Variants in GULP1 observed in about 807,000 individuals in gnomAD.
The protein encoded by GULP1 is PTB domain-containing engulfment adapter protein 1.
GULP1 carries 19 observed loss-of-function variants against 40.9 expected under a neutral mutation model. That is an observed-to-expected ratio of 0.46 (90% CI 0.32 to 0.68). The LOEUF is 0.68. Ranked by LOEUF, GULP1 falls within the 30% of genes least tolerant of loss-of-function variation. The pLI, the probability that GULP1 is intolerant of heterozygous loss-of-function variation, is 0.03. For synonymous variants in GULP1, 119 were observed against 117.6 expected, an observed-to-expected ratio of 1.01 and a Z score of -0.08; for missense variants, 312 against 362.2, an observed-to-expected ratio of 0.86 and a Z score of 1.12.
Position 188,364,222 on chromosome 2 carries a change from C to T in GULP1, c.-171-19541C>T, listed in dbSNP as rs748931062. Among the ~76,000 whole-genome samples, 3 of 152,008 alleles carry T rather than the reference C, an allele frequency of 2.0e-5. No individual in the cohort carries two copies. In the South Asian group the frequency reaches 6.2e-4, roughly 31 times the overall value. On this transcript the variant is annotated intron_variant, in intron 1 of 11. Transcript: ENST00000409830. The stretch of plus-strand genomic sequence containing the variant: ...GTGCCTGCAAATCCCTGGGAAATCC[C>T]GTTTGGCTTTCCATGTGGGTGTTTG...
chr2:188,337,842 ATTGT>A (rs757405177), intron 1 of GULP1, among the ~76,000 whole-genome samples: 4 of 152,186 alleles, frequency 2.6e-5, no homozygotes, highest in Non-Finnish European at 4.4e-5. Context: ...GTCCATTTAC[ATTGT>A]TTGTGAGTAA....
rs144716885 is a variant in GULP1 at position 188,445,880 on chromosome 2, C to T, written c.-44-31779C>T. Among the ~76,000 whole-genome samples, 5 of 152,308 alleles carry T rather than the reference C, an allele frequency of 3.3e-5. No homozygotes were observed. The East Asian group carries it at 9.6e-4, about 29-fold the overall frequency. On this transcript the variant is annotated intron_variant, in intron 2 of 11. Coordinates refer to ENST00000409830, the MANE Select transcript of GULP1 (RefSeq NM_016315.4). The stretch of plus-strand genomic sequence containing the variant: ...GGTTGGGGAAAGGTAGTAAACCAAA[C>T]ATGAACATGTCAGGTAATTTTAGGA...
intron 1 of GULP1, among the ~76,000 whole-genome samples, chr2:188,305,278 AACCTCT>A (rs1425964289): frequency 1.3e-5 from 2 of 152,212 alleles, no homozygotes; most frequent in Non-Finnish European, 2.9e-5. Context: ...ACCCTCCAAG[AACCTCT>A]ACATGTTCAG....
intron 2 of GULP1, among the ~76,000 whole-genome samples, chr2:188,420,274 A>G (rs540188592): frequency 6.6e-6 from 1 of 152,202 alleles, no homozygotes; most frequent in Non-Finnish European, 1.5e-5. Flanking sequence ...TACTTTGAGT[A>G]GTATGAATAT....
chr2:188,566,557 A>G (rs1697723686), intron 7 of GULP1, among the ~76,000 whole-genome samples: 1 of 152,070 alleles, frequency 6.6e-6, no homozygotes, highest in South Asian at 2.1e-4. Context: ...ACACTTTGGG[A>G]GGCCAAGGCG....
intron 4 of GULP1, among the ~76,000 whole-genome samples, chr2:188,487,483 G>A (rs1272157843): frequency 6.6e-6 from 1 of 151,818 alleles, no homozygotes; most frequent in Non-Finnish European, 1.5e-5. Context: ...ATAGTAACAC[G>A]GACCTTCACC....
At chr2:188,418,711 A>G (rs2054932671) in intron 2 of GULP1, among the ~76,000 whole-genome samples, 1 of 152,250 alleles carries the variant, frequency 6.6e-6, no homozygotes, top group Non-Finnish European at 1.5e-5. Flanking sequence ...TTTAGATGAC[A>G]TTTTAAAAAT....
chr2:188,530,427 A>ACT (rs1179507668), intron 6 of GULP1, among the ~76,000 whole-genome samples: 1 of 152,214 alleles, frequency 6.6e-6, no homozygotes, highest in Non-Finnish European at 1.5e-5. Flanking sequence ...CTTGTTTTGG[A>ACT]CTAAAGTGTT....
chr2:188,556,583 G>T (rs947075298), intron 7 of GULP1, among the ~76,000 whole-genome samples: 11 of 152,116 alleles, frequency 7.2e-5, no homozygotes, highest in Middle Eastern at 6.8e-3. Context: ...TTAATTTACT[G>T]GAGAATTATT....
intron 2 of GULP1, among the ~76,000 whole-genome samples, chr2:188,436,763 A>G (rs2057445745): frequency 6.6e-6 from 1 of 152,098 alleles, no homozygotes; most frequent in Admixed American, 6.6e-5. Context: ...CTGTAAGAAT[A>G]TATTAATTTG....
At chr2:188,531,574 A>C (rs1687553296) in intron 6 of GULP1, among the ~76,000 whole-genome samples, 1 of 152,196 alleles carries the variant, frequency 6.6e-6, no homozygotes. Context: ...GATTTACTTT[A>C]GTTACGGCGA....
chr2:188,415,389 T>A (rs1405663043), intron 2 of GULP1, among the ~76,000 whole-genome samples: 1 of 152,136 alleles, frequency 6.6e-6, no homozygotes, highest in Non-Finnish European at 1.5e-5. Context: ...TGTACATATC[T>A]GTCTGTGAAA....
chr2:188,469,736 C>A (rs920440262), intron 2 of GULP1, among the ~76,000 whole-genome samples: 4 of 152,220 alleles, frequency 2.6e-5, no homozygotes, highest in Middle Eastern at 3.4e-3. Flanking sequence ...TTCTTCTATA[C>A]TCATTTTTTA....
intron 1 of GULP1, among the ~76,000 whole-genome samples, chr2:188,322,044 A>G (rs898800996): frequency 7.2e-5 from 11 of 152,130 alleles, no homozygotes; most frequent in African/African-American, 2.4e-4. Context: ...ATAAATAAAT[A>G]AATGAATAAA....
chr2:188,484,971 G>A (rs975538008), intron 4 of GULP1, among the ~76,000 whole-genome samples: 23 of 152,026 alleles, frequency 1.5e-4, no homozygotes, highest in African/African-American at 5.3e-4. Context: ...GAGAAAAATT[G>A]TTTATGTTAT....
chr2:188,574,881 T>C (rs1699860403), intron 9 of GULP1, among the ~76,000 whole-genome samples: 1 of 152,200 alleles, frequency 6.6e-6, no homozygotes, highest in Non-Finnish European at 1.5e-5. Context: ...AGTAGAATGA[T>C]CTACATGGAC....
intron 2 of GULP1, among the ~76,000 whole-genome samples, chr2:188,437,588 G>C (rs1330780240): frequency 1.3e-5 from 2 of 152,042 alleles, no homozygotes; most frequent in Non-Finnish European, 2.9e-5. Flanking sequence ...TACATCCAAA[G>C]TAATAGAAAT....
At position 188,535,221 on chromosome 2, in the gene GULP1, A is replaced by G. The variant is rs546721360; in HGVS notation, c.262-5960A>G. Among the ~76,000 whole-genome samples, 16 of 152,094 alleles carry G rather than the reference A, an allele frequency of 1.1e-4. No homozygotes were observed. The East Asian group carries it at 3.1e-3, about 29-fold the overall frequency. On this transcript the variant is annotated intron_variant, in intron 6 of 11. Transcript: ENST00000409830. ...CTTTCATTTTAGATTCAAGAGTTAC[A>G]TGTGCAGATTTGTTACCTGGGTATA...
intron 2 of GULP1, among the ~76,000 whole-genome samples, chr2:188,463,913 G>A (rs778791635): frequency 2.6e-5 from 4 of 151,790 alleles, no homozygotes; most frequent in Non-Finnish European, 4.4e-5. Context: ...TTCCTTCTCT[G>A]TGTTATCTTG....
Sources: allele counts gnomAD v4.1 joint callset (sites outside exome capture counted in the v4.1 genomes callset), GRCh38; gene constraint gnomAD v4.1.1; transcripts MANE v1.5; gene names NCBI Gene and HGNC (gene_info 2026-07-23, HGNC 2026-07-21).